Variants in TANGO6 observed in about 807,000 individuals in gnomAD.
The protein encoded by TANGO6 is transport and Golgi organization protein 6 homolog.
Under a neutral mutation model 114.2 loss-of-function variants are expected in TANGO6, and 90 were observed. That is an observed-to-expected ratio of 0.79 (90% CI 0.66 to 0.94). The LOEUF (loss-of-function observed/expected upper bound fraction) is 0.94, where lower values mean the gene tolerates loss of function less well. Among genes scored for constraint, TANGO6 ranks in the 40% least tolerant of loss-of-function variants. TANGO6 has a pLI of 0.00. For synonymous variants in TANGO6, 477 were observed against 509.8 expected (o/e 0.94, Z 0.87); for missense variants, 1,274 against 1,315.3 (o/e 0.97, Z 0.49).
chr16:68,850,077 G>A (rs1043522966), intron 1 of TANGO6, among the ~76,000 whole-genome samples: 3 of 149,988 alleles, frequency 2.0e-5, no homozygotes, highest in South Asian at 2.1e-4. Context: ...AGGTTCAAGC[G>A]ATTATCCTGC....
chr16:68,878,070 A>G (rs1962396292), intron 5 of TANGO6, 48 bp from the exon 6 acceptor site: 1 of 1,540,020 alleles, frequency 6.5e-7, no homozygotes. Context: ...AGTTACTGTC[A>G]TATTCCTTGC....
intron 5 of TANGO6, among the ~76,000 whole-genome samples, chr16:68,876,420 C>T (rs940386847): frequency 9.2e-5 from 14 of 152,146 alleles, no homozygotes; most frequent in African/African-American, 2.9e-4. Flanking sequence ...CTCGGCCTCC[C>T]GAAGTGCTGG....
intron 14 of TANGO6, among the ~76,000 whole-genome samples, chr16:68,965,418 G>A (rs540296060): frequency 2.6e-5 from 4 of 152,246 alleles, no homozygotes; most frequent in South Asian, 2.1e-4. Context: ...AAACAGATTC[G>A]GATACAAAAG....
At chr16:69,070,035 T>A (rs1241980649) in intron 17 of TANGO6, among the ~76,000 whole-genome samples, 1 of 131,138 alleles carries the variant, frequency 7.6e-6, no homozygotes, top group East Asian at 2.4e-4. Context: ...TGCAAAACCC[T>A]GTCTGTACTA....
intron 12 of TANGO6, among the ~76,000 whole-genome samples, chr16:68,925,973 C>T (rs1324650234): frequency 6.8e-6 from 1 of 148,016 alleles, no homozygotes. Context: ...GTTCAGTTGA[C>T]TCTATTTATC....
chr16:69,067,199 C>CA (rs911352370), intron 17 of TANGO6, among the ~76,000 whole-genome samples: 7 of 151,924 alleles, frequency 4.6e-5, no homozygotes, highest in African/African-American at 9.7e-5. Context: ...GCCTGGCCTA[C>CA]AAAAAAAATT....
intron 1 of TANGO6, among the ~76,000 whole-genome samples, chr16:68,854,823 C>G (rs1398269338): frequency 2.6e-5 from 4 of 151,948 alleles, no homozygotes; most frequent in Non-Finnish European, 5.9e-5. Context: ...TCTTTAATTT[C>G]TGTAGTTCTA....
chr16:69,058,922 T>C (rs80059786), intron 17 of TANGO6, among the ~76,000 whole-genome samples: 3,159 of 151,802 alleles, frequency 0.021, 52 homozygotes, highest in South Asian at 0.075. Context: ...TTTTTTTTTT[T>C]TTGAGACATA....
At chr16:68,943,486 C>T (rs948449199) in intron 14 of TANGO6, among the ~76,000 whole-genome samples, 1 of 151,784 alleles carries the variant, frequency 6.6e-6, no homozygotes, top group Non-Finnish European at 1.5e-5. Context: ...GCCTCAGCCT[C>T]CCGAGTAGCT....
intron 14 of TANGO6, among the ~76,000 whole-genome samples, chr16:68,951,293 A>G (rs112493522): frequency 4.8e-4 from 67 of 138,308 alleles, no homozygotes; most frequent in Non-Finnish European, 9.9e-4. Context: ...ACTGCACTCC[A>G]GCCTGGGTGA....
Position 68,859,964 on chromosome 16 carries a change from G to A in TANGO6, c.175G>A (p.Asp59Asn). The change falls in exon 2 of 18, where the codon GAC (aspartate) becomes AAC (asparagine). Residue 59 changes from aspartate (D) to asparagine (N), a missense_variant. Around this residue, in one of 5 missense-constraint regions of TANGO6, gnomAD observed 114 missense variants for 104.6 expected, o/e 1.09. Transcript: ENST00000261778. The stretch of plus-strand genomic sequence containing the variant: ...AAAATCTAACCTGTCTGCTTTGGAG[G>A]ACAAGTTTCTGAAGGATCCTCAGTG... Reference protein sequence around the residue: ...TLKSNLSALEDKFLKDPQWKN... With the variant: ...TLKSNLSALENKFLKDPQWKN... The A allele has an allele frequency of 6.2e-7, 1 of 1,612,876 alleles. No homozygotes were observed.
chr16:69,063,758 A>G lies in TANGO6; in HGVS notation c.3109-19727A>G, dbSNP rs79095831. Among the ~76,000 whole-genome samples the G allele has an allele frequency of 6.5e-3, 948 of 145,536 alleles. 8 individuals are homozygous for G. Among genetic ancestry groups the G allele is most frequent in the African/African-American group, 0.021 (811 of 38,650 alleles). ...GTATCATTCAGAGGCAATGGTATTC[A>G]CTCTGGGCAGCGTAGCCATACTTTT... On this transcript the variant is annotated intron_variant, in intron 17 of 17. Coordinates refer to ENST00000261778, the MANE Select transcript of TANGO6 (RefSeq NM_024562.2).
At chr16:69,036,009 C>T (rs1167022807) in intron 16 of TANGO6, 1 of 149,020 alleles carries the variant, frequency 6.7e-6, no homozygotes, top group Non-Finnish European at 1.5e-5. Context: ...TGCCACTGTA[C>T]TCCAGCCTGA....
At chr16:68,934,856 A>C (rs943246881) in intron 14 of TANGO6, among the ~76,000 whole-genome samples, 2 of 152,112 alleles carry the variant, frequency 1.3e-5, no homozygotes. Context: ...CACTGAGCTC[A>C]TTAGCCTCTA....
intron 2 of TANGO6, among the ~76,000 whole-genome samples, chr16:68,862,021 TA>T (rs922337540): frequency 1.2e-4 from 18 of 150,936 alleles, no homozygotes; most frequent in Middle Eastern, 3.4e-3. Flanking sequence ...TATTTTTTTT[TA>T]ATTTTTTTTT....
rs575234436 is a variant in TANGO6, at chr16:68,845,467, G to A, written c.94+1756G>A. Among the ~76,000 whole-genome samples the A allele has an allele frequency of 6.8e-4, 103 of 152,178 alleles. 1 individual carries two copies. The highest frequency in any genetic ancestry group is 2.5e-3 in the African/African-American group (103 of 41,508). ...TTCCTATTTGAAGAGGAATTAGTTC[G>A]TGAAATTATATTATTTTGTACATGT... is the stretch of plus-strand genomic sequence containing the variant. On this transcript the variant is annotated intron_variant, in intron 1 of 17. Coordinates refer to ENST00000261778, the MANE Select transcript of TANGO6 (RefSeq NM_024562.2).
At chr16:68,891,615 G>A (rs527930964) in intron 7 of TANGO6, among the ~76,000 whole-genome samples, 2 of 152,100 alleles carry the variant, frequency 1.3e-5, no homozygotes, top group African/African-American at 4.8e-5. Context: ...TAAATTTCTA[G>A]CCATTCCTTC....
At chr16:69,007,511 C>T (rs1004145473) in intron 15 of TANGO6, among the ~76,000 whole-genome samples, 14 of 151,912 alleles carry the variant, frequency 9.2e-5, no homozygotes, top group Non-Finnish European at 1.8e-4. Context: ...ATGATCCATC[C>T]GCCTCGGTCT....
At chr16:68,885,912 A>G (rs1180077071) in intron 7 of TANGO6, among the ~76,000 whole-genome samples, 1 of 152,076 alleles carries the variant, frequency 6.6e-6, no homozygotes, top group Non-Finnish European at 1.5e-5. Context: ...TATACCTTGG[A>G]GTGGAATGCT....
Sources: gnomAD v4.1 joint callset for allele counts (sites outside exome capture counted in the v4.1 genomes callset) on GRCh38, gnomAD v4.1.1 for gene constraint, gnomAD v4.1.1 regional missense constraint, MANE v1.5 for transcripts, NCBI Gene and HGNC (gene_info 2026-07-23, HGNC 2026-07-21) for gene names.